The following DGKD variants were observed in gnomAD, a reference collection of about 807,000 sequenced individuals.
The protein encoded by DGKD is DAG kinase delta.
DGKD carries 68 observed loss-of-function variants against 154.4 expected under a neutral mutation model. That is an observed-to-expected ratio of 0.44 (90% CI 0.36 to 0.54). The LOEUF is 0.54. Among genes scored for constraint, DGKD ranks in the 20% least tolerant of loss-of-function variants. The probability of loss-of-function intolerance (pLI) is 0.00; values close to 1 mark genes in which losing one functional copy is unlikely to be tolerated. For synonymous variants in DGKD, 693 were observed against 638.0 expected (o/e 1.09, Z -1.30); for missense variants, 1,343 against 1,593.6 (o/e 0.84, Z 2.68).
At chr2:233,455,446 A>G (rs2063430238) in intron 19 of DGKD, among the ~76,000 whole-genome samples, 1 of 152,244 alleles carries the variant, frequency 6.6e-6, no homozygotes, top group Non-Finnish European at 1.5e-5. Flanking sequence ...CCTCTTCTCA[A>G]GCTTTTCTTC....
chr2:233,427,202 T>C (rs975918832), intron 3 of DGKD, among the ~76,000 whole-genome samples: 15 of 152,030 alleles, frequency 9.9e-5, no homozygotes, highest in African/African-American at 3.4e-4. Flanking sequence ...ATTTTCTCTC[T>C]CCAGTGTGTA....
chr2:233,395,156 CTTGT>C (rs10534580), intron 3 of DGKD, among the ~76,000 whole-genome samples: 49,928 of 151,402 alleles, frequency 0.33, 9,000 homozygotes, highest in Middle Eastern at 0.46. Flanking sequence ...ATTGTGCTTT[CTTGT>C]TTGTTTGTTT....
chr2:233,447,968 G>A, intron 12 of DGKD, 119 bp from the exon 13 acceptor site: 1 of 1,548,408 alleles, frequency 6.5e-7, no homozygotes. Flanking sequence ...GTGTCTGTTA[G>A]GAGAGACTCA....
chr2:233,426,396 G>A (rs2062299408), intron 3 of DGKD, among the ~76,000 whole-genome samples: 1 of 152,160 alleles, frequency 6.6e-6, no homozygotes, highest in African/African-American at 2.4e-5. Flanking sequence ...ACTCATTACA[G>A]ACGCACAGCT....
chr2:233,466,947 C>T (rs1032819834), intron 27 of DGKD, 139 bp from the exon 28 acceptor site: 5 of 684,440 alleles, frequency 7.3e-6, no homozygotes, highest in Non-Finnish European at 1.1e-5. Flanking sequence ...GGGAGAGAAG[C>T]CCTTTCAGGC....
At chr2:233,361,001 T>G (rs567337964) in intron 1 of DGKD, among the ~76,000 whole-genome samples, 1 of 129,194 alleles carries the variant, frequency 7.7e-6, no homozygotes, top group South Asian at 2.4e-4. Context: ...TTTTTTTTTT[T>G]TTTTTCCAAG....
At chr2:233,384,211 C>A (rs931118404) in intron 1 of DGKD, among the ~76,000 whole-genome samples, 2 of 152,108 alleles carry the variant, frequency 1.3e-5, no homozygotes, top group African/African-American at 4.8e-5. Context: ...CCTCGGTGAC[C>A]CCCTGGTGGC....
At chr2:233,384,028 C>CA (rs1048274016) in intron 1 of DGKD, among the ~76,000 whole-genome samples, 1 of 151,514 alleles carries the variant, frequency 6.6e-6, no homozygotes, top group East Asian at 1.9e-4. Context: ...ATATACATGA[C>CA]AAAAAAATAG....
chr2:233,365,968 A>C (rs1173006061), intron 1 of DGKD, among the ~76,000 whole-genome samples: 1 of 152,214 alleles, frequency 6.6e-6, no homozygotes, highest in Non-Finnish European at 1.5e-5. Context: ...CATTAAACTC[A>C]AAGGAAATAG....
chr2:233,447,067 C>T (rs572129887), intron 12 of DGKD, among the ~76,000 whole-genome samples: 2 of 152,294 alleles, frequency 1.3e-5, no homozygotes, highest in South Asian at 2.1e-4. Context: ...AATGGCCTTT[C>T]CACCCTGTCC....
chr2:233,423,926 C>T (rs1359386500), intron 3 of DGKD, among the ~76,000 whole-genome samples: 2 of 152,146 alleles, frequency 1.3e-5, no homozygotes, highest in Non-Finnish European at 2.9e-5. Context: ...TTGGACAAGA[C>T]CCTTGTCAGG....
chr2:233,459,661 G>T lies in DGKD; in HGVS notation c.2695-96G>T, dbSNP rs780474853. 17 of 1,501,554 alleles carry T rather than the reference G, an allele frequency of 1.1e-5. No homozygotes were observed. In the South Asian group the frequency reaches 1.4e-4, roughly 12 times the overall value. 93.0% of individuals were successfully genotyped at this position (1,501,554 alleles called of 1,614,324 possible). On this transcript the variant is annotated intron_variant, in intron 22 of 29. Coordinates refer to ENST00000264057, the MANE Select transcript of DGKD (RefSeq NM_152879.3). The surrounding 1 kb of genome is among the most constrained non-coding windows in gnomAD (Gnocchi z 5.7). ...GGGGTGTCCTGCAAGGCAGGGACGGGTGTGTGGAGCAGGAAGGTCATGGTG... is the reference window on the plus strand; with the variant it reads ...GGGGTGTCCTGCAAGGCAGGGACGGTTGTGTGGAGCAGGAAGGTCATGGTG...
intron 1 of DGKD, among the ~76,000 whole-genome samples, chr2:233,378,185 G>A (rs13413505): frequency 0.21 from 32,103 of 151,260 alleles, 3,927 homozygotes; most frequent in African/African-American, 0.34. Context: ...AGGCCAAGGC[G>A]GGTGGATTGC....
intron 5 of DGKD, among the ~76,000 whole-genome samples, chr2:233,435,240 T>C (rs2062650455): frequency 6.6e-6 from 1 of 152,080 alleles, no homozygotes; most frequent in Non-Finnish European, 1.5e-5. Context: ...TGTGCATATA[T>C]GGACTGAAAG....
rs144086782 is a variant in DGKD, at chr2:233,380,759, C to T, written c.157-7498C>T. Among the ~76,000 whole-genome samples, 664 of 152,242 alleles carry T rather than the reference C, an allele frequency of 4.4e-3. 2 individuals are homozygous for T. The highest frequency in any genetic ancestry group is 8.2e-3 in the Admixed American group (125 of 15,292). Reference sequence around the variant, plus strand: ...GCTTTAGGAAAGTGGGTGTGAACTCCAAATGAGGGGCAGACCTGGAGCCGC... The same window carrying T: ...GCTTTAGGAAAGTGGGTGTGAACTCTAAATGAGGGGCAGACCTGGAGCCGC... On this transcript the variant is annotated intron_variant, in intron 1 of 29. Coordinates refer to ENST00000264057, the MANE Select transcript of DGKD (RefSeq NM_152879.3).
intron 1 of DGKD, among the ~76,000 whole-genome samples, chr2:233,372,518 C>T (rs868235842): frequency 6.6e-6 from 1 of 151,964 alleles, no homozygotes; most frequent in African/African-American, 2.4e-5. Context: ...TCCTTTCTCT[C>T]TGTGGTTGCT....
At chr2:233,405,536 GAAAA>G (rs921124101) in intron 3 of DGKD, among the ~76,000 whole-genome samples, 2 of 149,672 alleles carry the variant, frequency 1.3e-5, no homozygotes, top group Non-Finnish European at 3.0e-5. Context: ...AAAAAAGAAA[GAAAA>G]AAAAAGAGGT....
At position 233,421,277 on chromosome 2, in the gene DGKD, G is replaced by A. The variant is rs568604411; in HGVS notation, c.349-13103G>A. On this transcript the variant is annotated intron_variant, in intron 3 of 29. Transcript: ENST00000264057. ...GGGAGCAGCACCCAGCCAGCTGCTC[G>A]GAGGTCACTGTGGACTCCTCTCTGT... Among the ~76,000 whole-genome samples the A allele has an allele frequency of 3.9e-5, 6 of 152,198 alleles. No individual in the cohort carries two copies. In the East Asian group the frequency reaches 7.8e-4, roughly 20 times the overall value.
intron 19 of DGKD, 49 bp downstream of exon 19, chr2:233,454,922 T>C (rs2063407628): frequency 8.3e-7 from 1 of 1,201,538 alleles, no homozygotes; most frequent in Non-Finnish European, 1.2e-6. Context: ...CTTTGTGGCT[T>C]CTCCTTCCAG....
Sources: allele counts gnomAD v4.1 joint callset (sites outside exome capture counted in the v4.1 genomes callset), GRCh38; gene constraint gnomAD v4.1.1; non-coding constraint Gnocchi (gnomAD v3.1); transcripts MANE v1.5; gene names NCBI Gene and HGNC (gene_info 2026-07-23, HGNC 2026-07-21).